Variants in MAOB observed in about 807,000 individuals in gnomAD.
The protein encoded by MAOB is amine oxidase [flavin-containing] B.
MAOB carries 15 observed loss-of-function variants against 41.9 expected under a neutral mutation model. The observed-to-expected ratio is 0.36, with a 90% confidence interval of 0.24 to 0.55. The LOEUF is 0.55. MAOB is among the 20% of genes least tolerant of loss of function. The probability of loss-of-function intolerance (pLI) is 0.86; values close to 1 mark genes in which losing one functional copy is unlikely to be tolerated. For missense variants in MAOB, 345 were observed against 398.7 expected (o/e 0.87, Z 1.15); for synonymous variants, 167 against 144.2 (o/e 1.16, Z -1.13).
chrX:43,789,151 A>C (rs1283715508), intron 8 of MAOB, among the ~76,000 whole-genome samples: 1 of 112,317 alleles, frequency 8.9e-6, no homozygotes, highest in Non-Finnish European at 1.9e-5. Flanking sequence ...ACTGTGACCC[A>C]TCACATGAGG....
At chrX:43,860,788 A>G (rs1405948234) in intron 1 of MAOB, among the ~76,000 whole-genome samples, 1 of 110,804 alleles carries the variant, frequency 9.0e-6, no homozygotes, top group African/African-American at 3.3e-5. Flanking sequence ...TGTCTTTCCT[A>G]CCACCCCTTG....
chrX:43,851,075 G>C (rs115944741), intron 1 of MAOB, among the ~76,000 whole-genome samples: 3 of 111,875 alleles, frequency 2.7e-5, no homozygotes, highest in Non-Finnish European at 5.6e-5. Context: ...TGTAATCGTG[G>C]AAGACAAAAT....
chrX:43,780,124 C>G (rs1469699764), intron 10 of MAOB, among the ~76,000 whole-genome samples: 11 of 111,661 alleles, frequency 9.9e-5, no homozygotes, highest in Admixed American at 2.9e-4. Flanking sequence ...AAGTTATCAG[C>G]ACTATGTCTT....
At chrX:43,822,987 C>T (rs1004587196) in intron 3 of MAOB, among the ~76,000 whole-genome samples, 2 of 109,276 alleles carry the variant, frequency 1.8e-5, no homozygotes, top group Non-Finnish European at 3.8e-5. Flanking sequence ...TATTTATCTC[C>T]CTCAACAACC....
intron 12 of MAOB, among the ~76,000 whole-genome samples, chrX:43,772,491 C>A (rs936135489): frequency 1.8e-5 from 2 of 111,751 alleles, no homozygotes; most frequent in African/African-American, 3.3e-5. Context: ...AATCATATCA[C>A]ACTTCTGATT....
At chrX:43,867,094 C>T (rs1053380731) in intron 1 of MAOB, among the ~76,000 whole-genome samples, 6 of 112,558 alleles carry the variant, frequency 5.3e-5, no homozygotes, top group African/African-American at 1.9e-4. Flanking sequence ...AAACTTGCAT[C>T]AGACAGAGGC....
At chrX:43,881,205 T>G (rs756949882) in intron 1 of MAOB, among the ~76,000 whole-genome samples, 1 of 112,840 alleles carries the variant, frequency 8.9e-6, no homozygotes, top group South Asian at 3.6e-4. Context: ...AATGCCTTGG[T>G]TTTTTCTCCA....
chrX:43,835,061 C>T (rs1186218562), intron 3 of MAOB, among the ~76,000 whole-genome samples: 1 of 112,069 alleles, frequency 8.9e-6, no homozygotes, highest in East Asian at 2.8e-4. Flanking sequence ...ATTTTATTTG[C>T]CTACATTGTA....
At position 43,778,843 on chromosome X, in the gene MAOB, A is replaced by T. The variant is rs1601966621; in HGVS notation, c.1080-104T>A. 1.2e-5 allele frequency: 7 copies of T among 567,918 alleles called. No individual in the cohort carries two copies. In the East Asian group the frequency reaches 2.5e-4, roughly 20 times the overall value. The allele number at this position is 567,918 out of a possible 1,213,427, so 46.8% of individuals were successfully genotyped here. Reference sequence around the variant, plus strand: ...CCTCATAAAAAAGATTCCATGAGCCATTGATTCCACTCCAGCATTTCATTT... The same window carrying T: ...CCTCATAAAAAAGATTCCATGAGCCTTTGATTCCACTCCAGCATTTCATTT... On this transcript the variant is annotated intron_variant, in intron 10 of 14. Transcript: ENST00000378069.
At chrX:43,845,017 T>C (rs1262049585) in intron 1 of MAOB, among the ~76,000 whole-genome samples, 1 of 112,395 alleles carries the variant, frequency 8.9e-6, no homozygotes, top group Admixed American at 9.4e-5. Context: ...ATACATCCAT[T>C]AATGCAGAGT....
chrX:43,819,523 G>T (rs1483136410), intron 3 of MAOB, among the ~76,000 whole-genome samples: 1 of 111,267 alleles, frequency 9.0e-6, no homozygotes, highest in Non-Finnish European at 1.9e-5. Context: ...ACAATCAATG[G>T]CTGTTGATCC....
intron 2 of MAOB, among the ~76,000 whole-genome samples, chrX:43,841,641 C>T (rs145075980): frequency 1.3e-3 from 149 of 112,087 alleles, no homozygotes; most frequent in African/African-American, 3.6e-3. Flanking sequence ...AGGCGTTATA[C>T]TACCCAACTT....
At chrX:43,808,134 G>C (rs981742978) in intron 3 of MAOB, among the ~76,000 whole-genome samples, 12 of 111,194 alleles carry the variant, frequency 1.1e-4, no homozygotes, top group African/African-American at 3.6e-4. Context: ...TCTATGACTG[G>C]TGTACAAAGT....
chrX:43,769,254 T>C (rs941996817), intron 13 of MAOB, 53 bp downstream of exon 13: 9 of 1,132,773 alleles, frequency 7.9e-6, no homozygotes, highest in African/African-American at 7.3e-5. Flanking sequence ...TTGACCTACA[T>C]GTCAGGACCA....
At chrX:43,881,999 A>G (rs2147186260) in intron 1 of MAOB, among the ~76,000 whole-genome samples, 1 of 112,140 alleles carries the variant, frequency 8.9e-6, no homozygotes, top group African/African-American at 3.2e-5. Flanking sequence ...CTTCTGGGGG[A>G]GAAGTTCAAA....
At chrX:43,825,476 T>A (rs1332348086) in intron 3 of MAOB, among the ~76,000 whole-genome samples, 2 of 110,760 alleles carry the variant, frequency 1.8e-5, no homozygotes, top group Non-Finnish European at 3.8e-5. Context: ...AGTGAGGCCC[T>A]CCCTGACTAC....
chrX:43,788,474 C>T (rs994294971), intron 8 of MAOB, among the ~76,000 whole-genome samples: 4 of 111,985 alleles, frequency 3.6e-5, no homozygotes, highest in African/African-American at 1.3e-4. Context: ...TAATTCCATC[C>T]TACAGCATTT....
At chrX:43,814,957 T>C (rs2034790969) in intron 3 of MAOB, among the ~76,000 whole-genome samples, 1 of 112,116 alleles carries the variant, frequency 8.9e-6, no homozygotes, top group East Asian at 2.8e-4. Flanking sequence ...CATAATCTGG[T>C]GTAAATGCAT....
chrX:43,786,245 G>A (rs1384041314), intron 8 of MAOB, among the ~76,000 whole-genome samples: 2 of 111,897 alleles, frequency 1.8e-5, no homozygotes, highest in East Asian at 5.6e-4. Context: ...TTGCAAAATT[G>A]AGGTTGTTTG....
Sources: allele counts gnomAD v4.1 joint callset (sites outside exome capture counted in the v4.1 genomes callset), GRCh38; gene constraint gnomAD v4.1.1; transcripts MANE v1.5; gene names NCBI Gene and HGNC (gene_info 2026-07-23, HGNC 2026-07-21).